MMP12: variants seen among roughly 807,000 people sequenced by gnomAD.
MMP12 encodes the protein matrix metallopeptidase 12, also known as macrophage metalloelastase.
Under a neutral mutation model 45.2 loss-of-function variants are expected in MMP12, and 51 were observed. That is an observed-to-expected ratio of 1.13 (90% CI 0.90 to 1.42). The LOEUF is 1.42. MMP12 is among the 40% of genes most tolerant of loss of function. MMP12 has a pLI of 0.00. For synonymous variants in MMP12, 210 were observed against 193.3 expected (o/e 1.09, Z -0.72); for missense variants, 530 against 570.8 (o/e 0.93, Z 0.73).
At chr11:102,866,552 T>G in intron 6 of MMP12, 104 bp from the exon 7 acceptor site, 1 of 950,570 alleles carries the variant, frequency 1.1e-6, no homozygotes. Context: ...TTTCTTTCCA[T>G]TGTCTTCACA....
At chr11:102,863,297 T>C (rs1859325766) in intron 9 of MMP12, 97 bp from the exon 10 acceptor site, 2 of 738,784 alleles carry the variant, frequency 2.7e-6, no homozygotes, top group Admixed American at 5.1e-5. Context: ...TTATCTAGAA[T>C]AGATGACCTA....
chr11:102,871,494 T>C lies in MMP12; in HGVS notation c.625+100A>G, dbSNP rs1859494184. The C allele has an allele frequency of 2.2e-6, 3 of 1,365,970 alleles. No homozygotes were observed. The South Asian group carries it at 4.1e-5, about 19-fold the overall frequency. The allele number at this position is 1,365,970 out of a possible 1,614,324, so 84.6% of individuals were successfully genotyped here. ...CATCATATAATCATTTGTCAGAATGTAGTCTCTCGAAACCAGAATTTTGAA... is the reference window on the plus strand; with the variant it reads ...CATCATATAATCATTTGTCAGAATGCAGTCTCTCGAAACCAGAATTTTGAA... On this transcript the variant is annotated intron_variant, in intron 4 of 9. Transcript: ENST00000571244.
At chr11:102,873,259 G>T in intron 1 of MMP12, 147 bp from the exon 2 acceptor site, 1 of 760,884 alleles carries the variant, frequency 1.3e-6, no homozygotes, top group African/African-American at 1.8e-5. Context: ...TTGTTTTTTG[G>T]ACAATTAATT....
Position 102,872,846 on chromosome 11 carries a change from C to T in MMP12, c.350+19G>A, listed in dbSNP as rs201164602. On this transcript the variant is annotated intron_variant, in intron 2 of 9. Coordinates refer to ENST00000571244, the MANE Select transcript of MMP12 (RefSeq NM_002426.6). ...TATGGGAAAGTAGAAAAATACAGGG[C>T]GACATACACCAACGTTACCTGTAGG... The T allele has an allele frequency of 6.0e-5, 96 of 1,611,470 alleles. No homozygotes were observed. The highest frequency in any genetic ancestry group is 7.1e-5 in the Non-Finnish European group (84 of 1,179,112).
intron 9 of MMP12, among the ~76,000 whole-genome samples, chr11:102,863,884 C>T (rs1565231838): frequency 6.6e-6 from 1 of 152,164 alleles, no homozygotes; most frequent in African/African-American, 2.4e-5. Flanking sequence ...ATTCCAGAGA[C>T]TCAGGTACAT....
intron 1 of MMP12, 75 bp from the exon 2 acceptor site, chr11:102,873,187 T>C: frequency 1.5e-6 from 2 of 1,296,000 alleles, no homozygotes; most frequent in Non-Finnish European, 2.2e-6. Flanking sequence ...CATATATGAC[T>C]CAATTGCACA....
chr11:102,866,738 C>A (rs1220569539), intron 6 of MMP12, among the ~76,000 whole-genome samples: 1 of 152,086 alleles, frequency 6.6e-6, no homozygotes, highest in Non-Finnish European at 1.5e-5. Context: ...AGTTTTGTAA[C>A]CTCAAGGAAG....
In MMP12 at chr11:102,872,571, G is replaced by A. The variant is rs1192688026; in HGVS notation, c.350+294C>T. On this transcript the variant is annotated intron_variant, in intron 2 of 9. Coordinates refer to ENST00000571244, the MANE Select transcript of MMP12 (RefSeq NM_002426.6). ...TTGGCCAGGATGGTCTCCATCTCCT[G>A]ACCTCGTGATCCACCCACCTTGGCC... Among the ~76,000 whole-genome samples, 7 of 152,256 alleles carry A rather than the reference G, an allele frequency of 4.6e-5. No homozygotes were observed. The East Asian group carries it at 1.4e-3, about 29-fold the overall frequency.
chr11:102,873,128 C>T lies in MMP12; in HGVS notation c.103-16G>A, dbSNP rs372705906. On this transcript the variant is annotated splice_polypyrimidine_tract_variant and intron_variant, in intron 1 of 9. Transcript: ENST00000571244. Reference sequence around the variant, plus strand: ...CTAAGTATCTCTGGAAAAAAAAATACATTCAGCAATGTGTAAGTACACACA... The same window carrying T: ...CTAAGTATCTCTGGAAAAAAAAATATATTCAGCAATGTGTAAGTACACACA... 44 of 1,605,964 alleles carry T rather than the reference C, an allele frequency of 2.7e-5. No homozygotes were observed. In the African/African-American group the frequency reaches 5.5e-4, roughly 20 times the overall value.
rs61730845 is a variant in MMP12 at position 102,871,809 on chromosome 11, C to T, written c.494G>A (p.Arg165His). The T allele has an allele frequency of 2.3e-4, 367 of 1,612,972 alleles. 1 individual carries two copies. In the African/African-American group the frequency reaches 3.9e-3, roughly 17 times the overall value. Reference sequence around the variant, plus strand: ...ATGAAATACAAGTTCCCTACCTCCACGGGCAAAAACCACCAAAATGTCAGC... The same window carrying T: ...ATGAAATACAAGTTCCCTACCTCCATGGGCAAAAACCACCAAAATGTCAGC... ...GMADILVVFA[R>H]GAHGDFHAFD... The change falls in exon 3 of 10, where the codon CGT becomes CAT. Residue 165 changes from arginine to histidine, a missense_variant. Physicochemically the swap from Arg to His is conservative, Grantham distance 29. Coordinates refer to ENST00000571244, the MANE Select transcript of MMP12 (RefSeq NM_002426.6).
Position 102,872,867 on chromosome 11 carries a change from G to A in MMP12, c.348C>T (p.Tyr116=). 6.2e-7 allele frequency: 1 copy of A among 1,613,654 alleles called. No individual in the cohort carries two copies. Among genetic ancestry groups the A allele is most frequent in the African/African-American group, 1.3e-5 (1 of 75,034 alleles). Residue 116 remains tyrosine, a splice_region_variant and synonymous_variant, in exon 2 of 10, where the codon TAC becomes TAT. Transcript: ENST00000571244. The part of the protein sequence containing the change: ...GPVWRKHYIT[Y]RINNYTPDMN... Reference sequence around the variant, plus strand: ...AGGGCGACATACACCAACGTTACCTGTAGGTGATATAATGTTTCCTCCATA... The same window carrying A: ...AGGGCGACATACACCAACGTTACCTATAGGTGATATAATGTTTCCTCCATA...
At chr11:102,870,236 C>A (rs1565234260) in intron 4 of MMP12, among the ~76,000 whole-genome samples, 1 of 152,150 alleles carries the variant, frequency 6.6e-6, no homozygotes, top group Non-Finnish European at 1.5e-5. Context: ...CACACATATC[C>A]CATTTTAGAT....
rs1555008810 is a variant in MMP12, at chr11:102,867,911, A to G, written c.784T>C (p.Tyr262His). ...ADDIRGIQSLYGDPKENQRLP... is the reference protein window; with the variant it reads ...ADDIRGIQSLHGDPKENQRLP... ...AATGATAAAGAATTCAACTCACCATACAGGGACTGAATGCCACGTATGTCA... is the reference window on the plus strand; with the variant it reads ...AATGATAAAGAATTCAACTCACCATGCAGGGACTGAATGCCACGTATGTCA... The change falls in exon 5 of 10, where the codon TAT becomes CAT. Residue 262 changes from tyrosine to histidine, a missense_variant. Coordinates refer to ENST00000571244, the MANE Select transcript of MMP12 (RefSeq NM_002426.6). 1.9e-6 allele frequency: 3 copies of G among 1,608,544 alleles called. No individual in the cohort carries two copies. The highest frequency in any genetic ancestry group is 1.7e-6 in the Non-Finnish European group (2 of 1,177,510).
At chr11:102,867,872 T>C in intron 5 of MMP12, 36 bp downstream of exon 5, 1 of 1,578,754 alleles carries the variant, frequency 6.3e-7, no homozygotes, top group Non-Finnish European at 8.6e-7. Context: ...AAAGCGAGTA[T>C]CTTTATATGG....
In MMP12 at chr11:102,869,748, C is replaced by CA. The variant is rs782127782; in HGVS notation, c.626-1680dup. On this transcript the variant is annotated intron_variant, in intron 4 of 9. Coordinates refer to ENST00000571244, the MANE Select transcript of MMP12 (RefSeq NM_002426.6). ...CAACATGGTGAAACCCCGTCTCTGC[C>CA]AAAAAAAAAAAAAAAATTAGCAGGG... Among the ~76,000 whole-genome samples, 441 of 115,106 alleles carry CA rather than the reference C, an allele frequency of 3.8e-3. 1 individual carries two copies. Among genetic ancestry groups the CA allele is most frequent in the African/African-American group, 4.7e-3 (145 of 30,776 alleles). 75.5% of individuals were successfully genotyped at this position (115,106 alleles called of 152,430 possible).
intron 9 of MMP12, 30 bp downstream of exon 9, chr11:102,864,102 GAAATGTTATTTCCA>G: frequency 1.5e-6 from 2 of 1,379,184 alleles, no homozygotes; most frequent in Non-Finnish European, 2.1e-6. Context: ...TTATAGCTTT[GAAATGTTATTTCCA>G]GTATCTTCAT....
chr11:102,874,118 G>C (rs868942324), intron 1 of MMP12, among the ~76,000 whole-genome samples: 1 of 151,504 alleles, frequency 6.6e-6, no homozygotes, highest in East Asian at 1.9e-4. Flanking sequence ...CAAATTTCTT[G>C]CTTAAAAACT....
intron 1 of MMP12, among the ~76,000 whole-genome samples, chr11:102,874,400 G>C (rs10895367): frequency 0.12 from 18,722 of 152,044 alleles, 1,180 homozygotes; most frequent in Non-Finnish European, 0.14. Flanking sequence ...AAAAAGAAAA[G>C]CTGTAAAGAT....
chr11:102,869,286 G>A (rs1254242839), intron 4 of MMP12, among the ~76,000 whole-genome samples: 5 of 151,982 alleles, frequency 3.3e-5, no homozygotes, highest in African/African-American at 7.3e-5. Flanking sequence ...CACCTCTCTC[G>A]GGGAGTGTCT....
Sources: allele counts gnomAD v4.1 joint callset (sites outside exome capture counted in the v4.1 genomes callset), GRCh38; gene constraint gnomAD v4.1.1; transcripts MANE v1.5; gene names NCBI Gene and HGNC (gene_info 2026-07-23, HGNC 2026-07-21).